The following OSBPL10 variants were observed in gnomAD, a reference collection of about 807,000 sequenced individuals.
The protein encoded by OSBPL10 is oxysterol binding protein like 10, also known as oxysterol-binding protein-related protein 10.
Under a neutral mutation model 81.7 loss-of-function variants are expected in OSBPL10, and 49 were observed. That is an observed-to-expected ratio of 0.60 (90% CI 0.48 to 0.76). OSBPL10 has a LOEUF of 0.76. Among genes scored for constraint, OSBPL10 ranks in the 30% least tolerant of loss-of-function variants. The probability of loss-of-function intolerance (pLI) is 0.00; values close to 1 mark genes in which losing one functional copy is unlikely to be tolerated. For synonymous variants in OSBPL10, 419 were observed against 383.6 expected (o/e 1.09, Z -1.08); for missense variants, 923 against 987.8 (o/e 0.93, Z 0.88).
intron 1 of OSBPL10, among the ~76,000 whole-genome samples, chr3:31,880,621 G>A (rs1052289534): frequency 1.4e-4 from 22 of 152,266 alleles, no homozygotes; most frequent in Non-Finnish European, 2.8e-4. Flanking sequence ...CTTGAGGCCC[G>A]CCCCTGCTGA....
At chr3:31,775,920 G>A (rs1698535225) in intron 4 of OSBPL10, among the ~76,000 whole-genome samples, 1 of 152,022 alleles carries the variant, frequency 6.6e-6, no homozygotes, top group South Asian at 2.1e-4. Flanking sequence ...AGGATGTAGG[G>A]GATTATATCG....
At chr3:32,020,118 T>C (rs2125544685) in intron 2 of OSBPL10, among the ~76,000 whole-genome samples, 1 of 152,360 alleles carries the variant, frequency 6.6e-6, no homozygotes, top group East Asian at 1.9e-4. Context: ...CATAGTTTGT[T>C]GCAGCATTTG....
At chr3:31,700,413 G>A (rs144084704) in intron 7 of OSBPL10, 10 of 151,882 alleles carry the variant, frequency 6.6e-5, no homozygotes, top group Non-Finnish European at 1.5e-4. Flanking sequence ...CTCCATATCT[G>A]ACCTTGGCAA....
rs201683670 is a variant in OSBPL10 at position 31,921,059 on chromosome 3, T to TG, written c.282-41230dup. Among the ~76,000 whole-genome samples, 1,301 of 152,260 alleles carry TG rather than the reference T, an allele frequency of 8.5e-3. 10 individuals are homozygous for TG. The highest frequency in any genetic ancestry group is 0.016 in the Admixed American group (250 of 15,294). On this transcript the variant is annotated intron_variant, in intron 1 of 11. Coordinates refer to ENST00000396556, the MANE Select transcript of OSBPL10 (RefSeq NM_017784.5). ...TACTCCAAGTTTCTCACTATTGAAG[T>TG]GGGGGTGAACGATAAACTAGAGGAG...
rs558463587 is a variant in OSBPL10 at position 31,836,502 on chromosome 3, C to T, written c.538-6271G>A. 3.8e-3 allele frequency among the ~76,000 whole-genome samples: 576 copies of T among 151,894 alleles called. 6 individuals are homozygous for T. Among genetic ancestry groups the T allele is most frequent in the Non-Finnish European group, 5.2e-3 (351 of 67,976 alleles). ...CATTTTCTGCGCTTTTTTCCCCCAT[C>T]ATTTTCAACTCCTCCCATCCACCAA... On this transcript the variant is annotated intron_variant, in intron 3 of 11. Transcript: ENST00000396556.
At chr3:31,681,242 G>A (rs1198089963) in intron 8 of OSBPL10, among the ~76,000 whole-genome samples, 1 of 152,168 alleles carries the variant, frequency 6.6e-6, no homozygotes, top group Non-Finnish European at 1.5e-5. Context: ...AGACCTGCAT[G>A]CAAGGAAGAC....
intron 2 of OSBPL10, chr3:31,990,664 CAT>C (rs990399922): frequency 1.2e-6 from 2 of 1,613,808 alleles, no homozygotes; most frequent in African/African-American, 2.7e-5. Context: ...TGCACGTCAT[CAT>C]AGACTTCATA....
chr3:31,981,367 C>A, upstream of OSBPL10: 1 of 1,008,900 alleles, frequency 9.9e-7, no homozygotes, highest in East Asian at 3.5e-5. This position sits in a 1 kb window ranked among gnomAD's most constrained non-coding sequence, Gnocchi z 4.5. Context: ...GCCAACGGGG[C>A]TGGATGCAGC....
intron 3 of OSBPL10, among the ~76,000 whole-genome samples, chr3:31,851,074 C>T (rs958072629): frequency 2.6e-5 from 4 of 152,150 alleles, no homozygotes; most frequent in African/African-American, 9.7e-5. Context: ...AAAAAAATTT[C>T]ACAAGAGAAA....
chr3:31,843,354 A>G (rs146107353), intron 3 of OSBPL10, among the ~76,000 whole-genome samples: 43 of 152,310 alleles, frequency 2.8e-4, no homozygotes, highest in Middle Eastern at 3.4e-3. Flanking sequence ...TGGTTCCTAC[A>G]AGGGTAGCCA....
chr3:31,679,155 C>T (rs1409446282), intron 8 of OSBPL10, among the ~76,000 whole-genome samples: 2 of 152,176 alleles, frequency 1.3e-5, no homozygotes, highest in Admixed American at 6.5e-5. Context: ...TTACCACTTG[C>T]TGTTCTTTTT....
chr3:31,988,642 C>T (rs1698977980), intron 2 of OSBPL10: 1 of 182,426 alleles, frequency 5.5e-6, no homozygotes, highest in Non-Finnish European at 1.2e-5. Flanking sequence ...CCCTGTCTTT[C>T]TCTCTCTCTA....
intron 4 of OSBPL10, among the ~76,000 whole-genome samples, chr3:31,815,315 T>C (rs952725076): frequency 6.6e-6 from 1 of 152,228 alleles, no homozygotes; most frequent in Non-Finnish European, 1.5e-5. Flanking sequence ...AAACTGCTGA[T>C]TCGTAAGCAA....
intron 1 of OSBPL10, among the ~76,000 whole-genome samples, chr3:31,966,153 ATGTGTGTGTGTG>A (rs59737552): frequency 0.13 from 17,780 of 134,754 alleles, 1,320 homozygotes; most frequent in South Asian, 0.29. Flanking sequence ...CAACAAAATT[ATGTGTGTGTGTG>A]TGTGTGTGTG....
intron 2 of OSBPL10, among the ~76,000 whole-genome samples, chr3:32,015,840 G>GA (rs1333591579): frequency 6.6e-6 from 1 of 152,158 alleles, no homozygotes; most frequent in Non-Finnish European, 1.5e-5. Context: ...AAAGACACTT[G>GA]AAAAAATACT....
At chr3:31,835,099 C>T (rs573033713) in intron 3 of OSBPL10, among the ~76,000 whole-genome samples, 1 of 152,202 alleles carries the variant, frequency 6.6e-6, no homozygotes, top group East Asian at 1.9e-4. Context: ...ACTATATGGC[C>T]ATTTTGGTCC....
At chr3:31,668,864 G>A in intron 9 of OSBPL10, 40 bp from the exon 10 acceptor site, 1 of 1,462,520 alleles carries the variant, frequency 6.8e-7, no homozygotes, top group South Asian at 1.6e-5. Flanking sequence ...TTTTCAAAAT[G>A]ATAAAAACAG....
At chr3:31,879,071 G>C (rs1701555337) in intron 2 of OSBPL10, among the ~76,000 whole-genome samples, 1 of 152,184 alleles carries the variant, frequency 6.6e-6, no homozygotes, top group Non-Finnish European at 1.5e-5. Context: ...TTTCCGGGAT[G>C]CTGGGCAGGT....
chr3:31,937,219 G>C (rs1002468848), intron 1 of OSBPL10, among the ~76,000 whole-genome samples: 1 of 151,802 alleles, frequency 6.6e-6, no homozygotes, highest in African/African-American at 2.4e-5. Context: ...GGGAGGCAGA[G>C]GTTGCAGTGA....
Sources: gnomAD v4.1 joint callset for allele counts (sites outside exome capture counted in the v4.1 genomes callset) on GRCh38, gnomAD v4.1.1 for gene constraint, Gnocchi (gnomAD v3.1) non-coding constraint, MANE v1.5 for transcripts, NCBI Gene and HGNC (gene_info 2026-07-23, HGNC 2026-07-21) for gene names.